Variants in DCC observed in about 807,000 individuals in gnomAD.
DCC encodes the protein netrin receptor DCC.
DCC carries 58 observed loss-of-function variants against 172.5 expected under a neutral mutation model. The ratio of observed to expected loss-of-function variants is 0.34; its 90% CI spans 0.27 to 0.42. DCC has a LOEUF of 0.42. Among genes scored for constraint, DCC ranks in the 10% least tolerant of loss-of-function variants. DCC has a pLI of 1.00. For synonymous variants in DCC, 709 were observed against 644.5 expected (o/e 1.10, Z -1.52); for missense variants, 1,740 against 1,791.0 (o/e 0.97, Z 0.51).
At chr18:52,434,842 T>G (rs1307836410) in intron 1 of DCC, among the ~76,000 whole-genome samples, 4 of 152,150 alleles carry the variant, frequency 2.6e-5, no homozygotes, top group African/African-American at 7.2e-5. Flanking sequence ...GAGGCCTCCC[T>G]GATTCTGCAG....
intron 5 of DCC, among the ~76,000 whole-genome samples, chr18:52,997,859 C>T (rs28575839): frequency 0.06 from 9,145 of 151,984 alleles, 510 homozygotes; most frequent in East Asian, 0.21. Flanking sequence ...ACGCTTTCTC[C>T]CCCTTGTCAC....
chr18:53,253,326 T>C (rs981135709), intron 12 of DCC, among the ~76,000 whole-genome samples: 6 of 152,068 alleles, frequency 3.9e-5, no homozygotes, highest in African/African-American at 1.4e-4. Flanking sequence ...TAAGTATTAT[T>C]TTACTTAATA....
intron 1 of DCC, among the ~76,000 whole-genome samples, chr18:52,427,723 C>T (rs763564432): frequency 1.3e-5 from 2 of 152,006 alleles, no homozygotes; most frequent in African/African-American, 2.4e-5. Flanking sequence ...GTGCAGGGTC[C>T]AAGGCCAAGT....
rs548070243 is a variant in DCC, at chr18:52,692,191, T to C, written c.92-59863T>C. The stretch of plus-strand genomic sequence containing the variant: ...AACCCACCCAAACTAAAAACAGTAA[T>C]GATATTCTTTGACAGGGTAATGCTG... On this transcript the variant is annotated intron_variant, in intron 1 of 28. Transcript: ENST00000442544. 2.6e-5 allele frequency among the ~76,000 whole-genome samples: 4 copies of C among 152,232 alleles called. No homozygotes were observed. The East Asian group carries it at 7.7e-4, about 29-fold the overall frequency.
intron 1 of DCC, among the ~76,000 whole-genome samples, chr18:52,559,769 G>T (rs998504175): frequency 2.0e-5 from 3 of 152,062 alleles, no homozygotes; most frequent in African/African-American, 7.2e-5. Flanking sequence ...TTAAAAGGCT[G>T]CCAAAGCTTT....
intron 5 of DCC, among the ~76,000 whole-genome samples, chr18:52,966,287 C>T (rs530730929): frequency 6.6e-6 from 1 of 152,254 alleles, no homozygotes; most frequent in East Asian, 1.9e-4. Context: ...AAATGAGCAG[C>T]ATAAGGAGAG....
intron 2 of DCC, among the ~76,000 whole-genome samples, chr18:52,857,504 G>A (rs1464014007): frequency 3.9e-5 from 6 of 152,092 alleles, no homozygotes; most frequent in Admixed American, 3.9e-4. Flanking sequence ...TGAAGCACTT[G>A]GAGAGATTAG....
intron 15 of DCC, among the ~76,000 whole-genome samples, chr18:53,385,252 G>T (rs762638806): frequency 2.0e-5 from 3 of 152,020 alleles, no homozygotes; most frequent in Non-Finnish European, 4.4e-5. Flanking sequence ...GTTCTTGTAT[G>T]GACCCCTGAA....
chr18:53,322,360 T>C (rs2057421384), intron 14 of DCC, among the ~76,000 whole-genome samples: 1 of 152,294 alleles, frequency 6.6e-6, no homozygotes, highest in Middle Eastern at 3.4e-3. Flanking sequence ...ATGAATGACA[T>C]AGCATTGATT....
intron 27 of DCC, among the ~76,000 whole-genome samples, chr18:53,504,910 G>A (rs562961267): frequency 6.6e-6 from 1 of 152,028 alleles, no homozygotes; most frequent in African/African-American, 2.4e-5. Flanking sequence ...TTGGAGAAAT[G>A]TTTTTTTGTT....
chr18:53,068,234 C>T (rs1014230504), intron 7 of DCC, among the ~76,000 whole-genome samples: 1 of 152,030 alleles, frequency 6.6e-6, no homozygotes, highest in Non-Finnish European at 1.5e-5. Flanking sequence ...AAATCAGGGT[C>T]TCTAATGTGA....
intron 12 of DCC, among the ~76,000 whole-genome samples, chr18:53,283,611 T>G (rs1191254058): frequency 1.3e-5 from 2 of 152,192 alleles, no homozygotes; most frequent in Non-Finnish European, 2.9e-5. Flanking sequence ...CACTGAGGCT[T>G]TCTTCAGAAC....
chr18:52,459,076 A>G (rs1378760697), intron 1 of DCC, among the ~76,000 whole-genome samples: 1 of 152,112 alleles, frequency 6.6e-6, no homozygotes, highest in East Asian at 1.9e-4. Flanking sequence ...CTATGGGTAC[A>G]AAAGGTTCAT....
chr18:52,513,814 T>C (rs894784097), intron 1 of DCC, among the ~76,000 whole-genome samples: 2 of 152,190 alleles, frequency 1.3e-5, no homozygotes, highest in African/African-American at 4.8e-5. Flanking sequence ...TCAACAGATG[T>C]CCAGCAAAAG....
intron 9 of DCC, among the ~76,000 whole-genome samples, chr18:53,196,522 G>T (rs1033427169): frequency 6.6e-6 from 1 of 152,018 alleles, no homozygotes. Context: ...CCAGTTCTAG[G>T]TTGAATTACA....
chr18:53,330,828 C>A (rs957530824), intron 14 of DCC, among the ~76,000 whole-genome samples: 4 of 152,200 alleles, frequency 2.6e-5, no homozygotes, highest in Non-Finnish European at 5.9e-5. Context: ...ATCTGAGTTT[C>A]ACTCAGATGT....
intron 1 of DCC, among the ~76,000 whole-genome samples, chr18:52,453,980 C>T (rs1988383604): frequency 6.6e-6 from 1 of 152,114 alleles, no homozygotes; most frequent in Non-Finnish European, 1.5e-5. Context: ...TGAATCACAC[C>T]TAGGAAACGA....
At position 53,378,767 on chromosome 18, in the gene DCC, C is replaced by T. The variant is rs961407849; in HGVS notation, c.2360-7276C>T. ...AGATTGAAAATGTACCCTAATTTTT[C>T]TTCCTTGGAGTCAAATACTTTCTCA... On this transcript the variant is annotated intron_variant, in intron 15 of 28. Coordinates refer to ENST00000442544, the MANE Select transcript of DCC (RefSeq NM_005215.4). 4.6e-5 allele frequency among the ~76,000 whole-genome samples: 7 copies of T among 152,256 alleles called. No homozygotes were observed. The East Asian group carries it at 9.6e-4, about 21-fold the overall frequency.
intron 12 of DCC, among the ~76,000 whole-genome samples, chr18:53,294,406 G>T (rs2057042276): frequency 6.6e-6 from 1 of 152,184 alleles, no homozygotes. Flanking sequence ...GTGGTAGAAA[G>T]CAGTTATGCC....
Sources: allele counts gnomAD v4.1 joint callset (sites outside exome capture counted in the v4.1 genomes callset), GRCh38; gene constraint gnomAD v4.1.1; transcripts MANE v1.5; gene names NCBI Gene and HGNC (gene_info 2026-07-23, HGNC 2026-07-21).